SH3GL2: variants seen among roughly 807,000 people sequenced by gnomAD.
SH3GL2 encodes SH3 domain containing GRB2 like 2, endophilin A1, also known as endophilin-A1.
Under a neutral mutation model 46.0 loss-of-function variants are expected in SH3GL2, and 24 were observed. The observed-to-expected ratio is 0.52, with a 90% CI of 0.38 to 0.73. The LOEUF is 0.73. Among genes scored for constraint, SH3GL2 ranks in the 30% least tolerant of loss-of-function variants. The probability of loss-of-function intolerance (pLI) is 0.00; values close to 1 mark genes in which losing one functional copy is unlikely to be tolerated. For missense variants in SH3GL2, 413 were observed against 424.2 expected, an observed-to-expected ratio of 0.97 and a Z score of 0.23; for synonymous variants, 196 against 147.1, an observed-to-expected ratio of 1.33 and a Z score of -2.40.
chr9:17,761,618 G>A (rs1823178147), intron 3 of SH3GL2, 109 bp downstream of exon 3: 7 of 807,606 alleles, frequency 8.7e-6, no homozygotes, highest in Middle Eastern at 2.2e-4. Context: ...TGCTTCCTCG[G>A]TCCACTTTTC....
chr9:17,700,185 T>G (rs1042210684), intron 1 of SH3GL2, among the ~76,000 whole-genome samples: 18 of 152,160 alleles, frequency 1.2e-4, no homozygotes, highest in African/African-American at 3.6e-4. Context: ...TTATTTTTCT[T>G]GTTTCCCCTC....
At chr9:17,738,633 T>TATATATATAC (rs1822426941) in intron 1 of SH3GL2, among the ~76,000 whole-genome samples, 2 of 78,382 alleles carry the variant, frequency 2.6e-5, no homozygotes, top group Admixed American at 2.5e-4. Context: ...ATTTTATATA[T>TATATATATAC]ATATATATAG....
chr9:17,741,764 C>G (rs1279669602), intron 1 of SH3GL2, among the ~76,000 whole-genome samples: 1 of 152,202 alleles, frequency 6.6e-6, no homozygotes, highest in African/African-American at 2.4e-5. Context: ...CTTCCATTAA[C>G]AGCTTACAAT....
intron 1 of SH3GL2, among the ~76,000 whole-genome samples, chr9:17,615,769 T>G (rs1244106364): frequency 1.3e-5 from 2 of 152,022 alleles, no homozygotes; most frequent in African/African-American, 4.8e-5. Flanking sequence ...TACAGAGATC[T>G]TCATTAACAT....
Position 17,762,895 on chromosome 9 carries a change from C to T in SH3GL2, c.187+1386C>T, listed in dbSNP as rs542316073. Among the ~76,000 whole-genome samples the T allele has an allele frequency of 1.8e-3, 274 of 152,234 alleles. 1 individual carries two copies. Among genetic ancestry groups the T allele is most frequent in the South Asian group, 3.5e-3 (17 of 4,822 alleles). Reference sequence around the variant, plus strand: ...GAAAGAGAACTGCTCGCCCTGCTTCCCCGCAAGAAATCATTATATAGGGGC... The same window carrying T: ...GAAAGAGAACTGCTCGCCCTGCTTCTCCGCAAGAAATCATTATATAGGGGC... On this transcript the variant is annotated intron_variant, in intron 3 of 8. Coordinates refer to ENST00000380607, the MANE Select transcript of SH3GL2 (RefSeq NM_003026.5).
intron 1 of SH3GL2, among the ~76,000 whole-genome samples, chr9:17,591,839 G>T (rs572577038): frequency 1.3e-5 from 2 of 152,206 alleles, no homozygotes; most frequent in Non-Finnish European, 1.5e-5. Flanking sequence ...GGCATTTTCT[G>T]TAGGCGCTTT....
In SH3GL2 at chr9:17,725,615, G is replaced by C. The variant is rs368582614; in HGVS notation, c.46-21451G>C. Reference sequence around the variant, plus strand: ...GCACTGAGTCAGAGTTGTGGTGATGGTGGCTCTGGTCTTTGTAGCCTGCCT... The same window carrying C: ...GCACTGAGTCAGAGTTGTGGTGATGCTGGCTCTGGTCTTTGTAGCCTGCCT... On this transcript the variant is annotated intron_variant, in intron 1 of 8. Coordinates refer to ENST00000380607, the MANE Select transcript of SH3GL2 (RefSeq NM_003026.5). Among the ~76,000 whole-genome samples the C allele has an allele frequency of 2.1e-4, 32 of 152,244 alleles. No individual in the cohort carries two copies. In the South Asian group the frequency reaches 6.0e-3, roughly 29 times the overall value.
chr9:17,618,657 A>T (rs1399236485), intron 1 of SH3GL2, among the ~76,000 whole-genome samples: 3 of 152,252 alleles, frequency 2.0e-5, no homozygotes, highest in African/African-American at 7.2e-5. Context: ...TTGGGGCTTT[A>T]TTTAGTAAAT....
chr9:17,660,375 C>G (rs12337611), intron 1 of SH3GL2, among the ~76,000 whole-genome samples: 3,510 of 152,254 alleles, frequency 0.023, 131 homozygotes, highest in African/African-American at 0.074. Context: ...TTCCACAGAA[C>G]TGCTGCTGCC....
chr9:17,730,250 G>C (rs1050462994), intron 1 of SH3GL2, among the ~76,000 whole-genome samples: 3 of 151,684 alleles, frequency 2.0e-5, no homozygotes, highest in Admixed American at 2.0e-4. Context: ...ACTCATGATT[G>C]GGCTCACTGT....
intron 3 of SH3GL2, among the ~76,000 whole-genome samples, chr9:17,769,549 TC>T (rs1230523237): frequency 3.9e-5 from 6 of 152,118 alleles, no homozygotes; most frequent in Non-Finnish European, 8.8e-5. Flanking sequence ...AGGTGTTTCT[TC>T]TGCCTGGAAC....
intron 1 of SH3GL2, among the ~76,000 whole-genome samples, chr9:17,666,485 T>G (rs983852711): frequency 7.9e-5 from 12 of 151,848 alleles, no homozygotes; most frequent in African/African-American, 2.9e-4. Context: ...TTGTATTTCT[T>G]TTGCAAAAAC....
chr9:17,630,915 G>T (rs149835833), intron 1 of SH3GL2, among the ~76,000 whole-genome samples: 1 of 152,098 alleles, frequency 6.6e-6, no homozygotes, highest in Non-Finnish European at 1.5e-5. Flanking sequence ...CTCCTACAAT[G>T]ACTGTAGAAA....
intron 1 of SH3GL2, chr9:17,590,032 G>A (rs1169991863): frequency 6.6e-6 from 1 of 152,226 alleles, no homozygotes; most frequent in African/African-American, 2.4e-5. Flanking sequence ...GGAGAGAATA[G>A]TGAGGCCTGA....
intron 1 of SH3GL2, among the ~76,000 whole-genome samples, chr9:17,727,409 C>T (rs1010362859): frequency 1.3e-5 from 2 of 152,086 alleles, no homozygotes; most frequent in Admixed American, 1.3e-4. Flanking sequence ...TCCACCTGAC[C>T]CTCAAGTTTT....
At chr9:17,690,810 C>A (rs898819618) in intron 1 of SH3GL2, among the ~76,000 whole-genome samples, 2 of 152,124 alleles carry the variant, frequency 1.3e-5, no homozygotes, top group Admixed American at 6.6e-5. Context: ...GTCTCCATAT[C>A]ATGAGAATCA....
chr9:17,786,324 C>T, intron 3 of SH3GL2, 57 bp from the exon 4 acceptor site: 1 of 1,538,450 alleles, frequency 6.5e-7, no homozygotes, highest in Non-Finnish European at 8.8e-7. Flanking sequence ...CCATCCAGCC[C>T]TATTTCCGCA....
intron 1 of SH3GL2, among the ~76,000 whole-genome samples, chr9:17,579,603 C>G (rs1818237780): frequency 6.6e-6 from 1 of 152,158 alleles, no homozygotes; most frequent in East Asian, 1.9e-4. Context: ...GCACTGCTGC[C>G]GCGGCGCGCA....
intron 1 of SH3GL2, among the ~76,000 whole-genome samples, chr9:17,621,089 T>C (rs769487292): frequency 1.3e-5 from 2 of 152,212 alleles, no homozygotes; most frequent in South Asian, 4.1e-4. Flanking sequence ...AAAATTTGTG[T>C]CATATTAATG....
Sources: allele counts gnomAD v4.1 joint callset (sites outside exome capture counted in the v4.1 genomes callset), GRCh38; gene constraint gnomAD v4.1.1; transcripts MANE v1.5; gene names NCBI Gene and HGNC (gene_info 2026-07-23, HGNC 2026-07-21).